TMEM135: variants seen among roughly 807,000 people sequenced by gnomAD.
TMEM135 encodes transmembrane protein 135, also known as peroxisomal membrane protein 52.
In TMEM135, 30 loss-of-function variants were observed where a neutral mutation model predicts 60.3. That is an observed-to-expected ratio of 0.50 (90% confidence interval 0.37 to 0.68). The LOEUF is 0.68. TMEM135 is among the 30% of genes least tolerant of loss of function. The pLI is 0.00. For missense variants in TMEM135, 468 were observed against 548.8 expected, an observed-to-expected ratio of 0.85 and a Z score of 1.47; for synonymous variants, 190 against 186.7, an observed-to-expected ratio of 1.02 and a Z score of -0.14.
At chr11:87,091,301 T>C (rs1591011593) in intron 3 of TMEM135, 61 bp from the exon 4 acceptor site, 2 of 1,405,626 alleles carry the variant, frequency 1.4e-6, no homozygotes, top group East Asian at 4.6e-5. Context: ...TTCTAATAAA[T>C]GATAAAGTGA....
chr11:87,049,645 G>T (rs1949824239), intron 1 of TMEM135, among the ~76,000 whole-genome samples: 1 of 110,530 alleles, frequency 9.0e-6, no homozygotes, highest in Non-Finnish European at 1.9e-5. Context: ...ACCCAATACA[G>T]GAGCACCCAG....
At chr11:87,060,002 T>A (rs1471241658) in intron 1 of TMEM135, among the ~76,000 whole-genome samples, 3 of 152,160 alleles carry the variant, frequency 2.0e-5, no homozygotes, top group Non-Finnish European at 4.4e-5. Context: ...TGGTCTCAGC[T>A]GCTTGGGAGG....
intron 6 of TMEM135, among the ~76,000 whole-genome samples, chr11:87,289,355 AT>A (rs1337473430): frequency 1.3e-5 from 2 of 151,364 alleles, no homozygotes; most frequent in Non-Finnish European, 2.9e-5. Flanking sequence ...AACTATAGTC[AT>A]CCTACAGTGA....
Position 87,302,414 on chromosome 11 carries a change from G to C in TMEM135, c.670G>C (p.Gly224Arg), listed in dbSNP as rs151122474. 4.3e-6 allele frequency: 7 copies of C among 1,613,708 alleles called. No homozygotes were observed. Among genetic ancestry groups the C allele is most frequent in the Middle Eastern group, 1.7e-4 (1 of 6,056 alleles). ...AAAACCCGGAAGAATGAATATGATT[G>C]GTCTAGTCAGGAAATTTGTGGATTC... ...EEKPGRMNMIGLVRKFVDSIC... is the reference protein window; with the variant it reads ...EEKPGRMNMIRLVRKFVDSIC... Residue 224 changes from glycine to arginine, a missense_variant, in exon 8 of 15, where the codon GGT becomes CGT. Transcript: ENST00000305494.
chr11:87,311,840 G>T (rs1942645477), intron 10 of TMEM135, among the ~76,000 whole-genome samples: 1 of 151,790 alleles, frequency 6.6e-6, no homozygotes, highest in South Asian at 2.1e-4. Flanking sequence ...AATTTGTTAA[G>T]GTTCCTCTTT....
chr11:87,156,092 G>T (rs966560741), intron 4 of TMEM135, among the ~76,000 whole-genome samples: 3 of 152,080 alleles, frequency 2.0e-5, no homozygotes, highest in Admixed American at 6.6e-5. Flanking sequence ...TGGATTTCCA[G>T]TTTTTTAAAG....
At chr11:87,259,103 C>T in intron 6 of TMEM135, 1 of 945,424 alleles carries the variant, frequency 1.1e-6, no homozygotes, top group Non-Finnish European at 1.7e-6. Flanking sequence ...CAGACCGGAC[C>T]CTCTTCGGAA....
At chr11:87,154,275 C>A (rs1938633717) in intron 4 of TMEM135, among the ~76,000 whole-genome samples, 1 of 152,182 alleles carries the variant, frequency 6.6e-6, no homozygotes, top group Admixed American at 6.5e-5. Context: ...ATAATATCTT[C>A]AGTGCTCATC....
chr11:87,186,427 A>G (rs187044074), intron 5 of TMEM135, among the ~76,000 whole-genome samples: 3 of 152,266 alleles, frequency 2.0e-5, no homozygotes, highest in African/African-American at 7.2e-5. Flanking sequence ...GTGTTTTATT[A>G]TTTAAGAGTT....
chr11:87,173,169 TAA>T (rs1286037679), intron 5 of TMEM135, among the ~76,000 whole-genome samples: 2 of 152,148 alleles, frequency 1.3e-5, no homozygotes, highest in Non-Finnish European at 2.9e-5. Context: ...GGAAAAAATG[TAA>T]GTCTTTAATA....
intron 4 of TMEM135, among the ~76,000 whole-genome samples, chr11:87,098,121 C>T (rs1292602173): frequency 6.7e-6 from 1 of 148,386 alleles, no homozygotes; most frequent in Non-Finnish European, 1.5e-5. Flanking sequence ...TTTATTAACC[C>T]ATCTATGCTG....
At chr11:87,269,492 C>A (rs1369164596) in intron 6 of TMEM135, among the ~76,000 whole-genome samples, 3 of 151,740 alleles carry the variant, frequency 2.0e-5, no homozygotes, top group Non-Finnish European at 4.4e-5. Context: ...CTATCCCTCC[C>A]CCCTCCTCCC....
rs114815081 is a variant in TMEM135 at position 87,300,123 on chromosome 11, G to C, written c.552-2173G>C. Among the ~76,000 whole-genome samples, 438 of 152,232 alleles carry C rather than the reference G, an allele frequency of 2.9e-3. 3 individuals are homozygous for C. The highest frequency in any genetic ancestry group is 0.01 in the African/African-American group (426 of 41,540). On this transcript the variant is annotated intron_variant, in intron 7 of 14. Transcript: ENST00000305494. ...AATATAATAATAGCTTCTATAGTGA[G>C]CACTCACTCTGCACCAGATACTGAT...
At chr11:87,091,284 T>C in intron 3 of TMEM135, 78 bp from the exon 4 acceptor site, 1 of 1,278,728 alleles carries the variant, frequency 7.8e-7, no homozygotes, top group Non-Finnish European at 1.1e-6. Context: ...TAATTCTTTT[T>C]ATAGACTTCT....
chr11:87,217,970 G>C (rs1014484689), intron 5 of TMEM135, among the ~76,000 whole-genome samples: 12 of 152,092 alleles, frequency 7.9e-5, no homozygotes, highest in African/African-American at 2.9e-4. Context: ...GCTTAAGATT[G>C]TATGAGTGTT....
intron 6 of TMEM135, among the ~76,000 whole-genome samples, chr11:87,276,979 A>T (rs991352619): frequency 1.3e-4 from 19 of 151,826 alleles, no homozygotes; most frequent in Admixed American, 2.0e-4. Flanking sequence ...GCTTTTTTTT[A>T]AAAAATAATT....
intron 4 of TMEM135, among the ~76,000 whole-genome samples, chr11:87,141,166 CT>C (rs1270486221): frequency 2.0e-5 from 3 of 151,726 alleles, no homozygotes; most frequent in African/African-American, 7.3e-5. Context: ...ATTGCTTTGA[CT>C]TTATGAACAA....
At chr11:87,161,793 T>TAA (rs1938887950) in intron 5 of TMEM135, among the ~76,000 whole-genome samples, 3 of 152,360 alleles carry the variant, frequency 2.0e-5, no homozygotes, top group Admixed American at 2.0e-4. Flanking sequence ...CTCAGGCATT[T>TAA]AAAATTTTCA....
At chr11:87,259,083 G>C in intron 6 of TMEM135, 2 of 1,159,682 alleles carry the variant, frequency 1.7e-6, no homozygotes, top group Non-Finnish European at 2.6e-6. Context: ...GAAAGAAGAG[G>C]TTCTGGCCGC....
Sources: gnomAD v4.1 joint callset for allele counts (sites outside exome capture counted in the v4.1 genomes callset) on GRCh38, gnomAD v4.1.1 for gene constraint, MANE v1.5 for transcripts, NCBI Gene and HGNC (gene_info 2026-07-23, HGNC 2026-07-21) for gene names.